NLRP6: variants seen among roughly 807,000 people sequenced by gnomAD.
NLRP6 encodes the protein NACHT, LRR and PYD domains-containing protein 6.
A neutral mutation model predicts 70.9 loss-of-function variants in NLRP6; 55 were observed. That is an observed-to-expected ratio of 0.78 (90% CI 0.62 to 0.97). The LOEUF is 0.97. Ranked by LOEUF, NLRP6 falls within the 50% of genes least tolerant of loss-of-function variation. The pLI is 0.00. For synonymous variants in NLRP6, 652 were observed against 581.9 expected, an observed-to-expected ratio of 1.12 and a Z score of -1.73; for missense variants, 1,241 against 1,238.3, an observed-to-expected ratio of 1.00 and a Z score of -0.03.
At position 278,687 on chromosome 11, in the gene NLRP6, T is replaced by C; in HGVS notation, c.29+89T>C. ...CTCACCCGCTGACTTCCTCAGGCTC[T>C]CCACCCTTGTCCACATCCTTCCCCC... On this transcript the variant is annotated intron_variant, in intron 1 of 7. Coordinates refer to ENST00000534750, the MANE Select transcript of NLRP6 (RefSeq NM_001276700.2). The surrounding 1 kb of genome is among the most constrained non-coding windows in gnomAD (Gnocchi z 4.7). 1.1e-6 allele frequency: 1 copy of C among 948,484 alleles called. No homozygotes were observed. Among genetic ancestry groups the C allele is most frequent in the Non-Finnish European group, 1.5e-6 (1 of 646,740 alleles). 58.8% of individuals were successfully genotyped at this position (948,484 alleles called of 1,614,324 possible).
rs1284585561 is a variant in NLRP6, at chr11:278,715, C to T, written c.29+117C>T. 2.0e-5 allele frequency: 14 copies of T among 716,856 alleles called. No individual in the cohort carries two copies. Among genetic ancestry groups the T allele is most frequent in the Non-Finnish European group, 3.1e-5 (14 of 456,502 alleles). The allele number at this position is 716,856 out of a possible 1,614,324, so 44.4% of individuals were successfully genotyped here. On this transcript the variant is annotated intron_variant, in intron 1 of 7. Transcript: ENST00000534750. This position sits in a 1 kb window ranked among gnomAD's most constrained non-coding sequence, Gnocchi z 4.7. ...ACCCTTGTCCACATCCTTCCCCCAC[C>T]CTCACTCCCAGGCTCAGGAGCCAAG...
intron 5 of NLRP6, among the ~76,000 whole-genome samples, chr11:283,848 A>G (rs1845513974): frequency 6.6e-6 from 1 of 151,994 alleles, no homozygotes; most frequent in Non-Finnish European, 1.5e-5. Context: ...TGGTAAAGTA[A>G]GATGTTCAGC....
rs117664979 is a variant in NLRP6, at chr11:284,626, G to A, written c.2521G>A (p.Gly841Ser). Reference sequence around the variant, plus strand: ...TGCAGTCCTGCAGCACCAGGGATGCGGCCTGCAGACCCTCAGGTGGAGGCA... The same window carrying A: ...TGCAGTCCTGCAGCACCAGGGATGCAGCCTGCAGACCCTCAGGTGGAGGCA... The part of the protein sequence containing the change: ...LCAVLQHQGC[G>S]LQTLSLASVE... The change falls in exon 7 of 8, where the codon GGC becomes AGC. Residue 841 changes from glycine to serine, a missense_variant. By Grantham distance (56) the Gly-to-Ser change is moderately conservative. Coordinates refer to ENST00000534750, the MANE Select transcript of NLRP6 (RefSeq NM_001276700.2). The A allele has an allele frequency of 1.8e-4, 287 of 1,607,316 alleles. 2 individuals are homozygous for A. Among genetic ancestry groups the A allele is most frequent in the Middle Eastern group, 6.7e-4 (4 of 5,956 alleles).
chr11:282,540 G>A (rs2134009489), intron 4 of NLRP6, among the ~76,000 whole-genome samples, 165 bp from the exon 5 acceptor site: 1 of 152,284 alleles, frequency 6.6e-6, no homozygotes, highest in East Asian at 1.9e-4. Context: ...ACAGATGAGT[G>A]GTTTTGCTCT....
Position 279,308 on chromosome 11 carries a change from C to T in NLRP6, c.30-19C>T. On this transcript the variant is annotated intron_variant, in intron 1 of 7. Coordinates refer to ENST00000534750, the MANE Select transcript of NLRP6 (RefSeq NM_001276700.2). Reference sequence around the variant, plus strand: ...ACCCGAGGGCCGCTCCCCGATGACCCGCGCCCGCCCGCCTCCAGCACGGGG... The same window carrying T: ...ACCCGAGGGCCGCTCCCCGATGACCTGCGCCCGCCCGCCTCCAGCACGGGG... 1 of 1,265,266 alleles carries T rather than the reference C, an allele frequency of 7.9e-7. No homozygotes were observed. The highest frequency in any genetic ancestry group is 9.9e-7 in the Non-Finnish European group (1 of 1,005,540). 78.4% of individuals were successfully genotyped at this position (1,265,266 alleles called of 1,614,324 possible).
At chr11:284,921 G>A (rs1048773393) in intron 7 of NLRP6, among the ~76,000 whole-genome samples, 1 of 152,250 alleles carries the variant, frequency 6.6e-6, no homozygotes, top group South Asian at 2.1e-4. Flanking sequence ...ATACCCTTTT[G>A]CCACCCCCAA....
chr11:279,656 C>A, intron 2 of NLRP6, 49 bp downstream of exon 2: 1 of 1,373,042 alleles, frequency 7.3e-7, no homozygotes, highest in Non-Finnish European at 9.4e-7. Context: ...GGCTGGGCTG[C>A]CCTCCTTCCC....
chr11:281,447 G>C lies in NLRP6; in HGVS notation c.1713G>C (p.Val571=). The stretch of plus-strand genomic sequence containing the variant: ...TCGGCTGCATGGTTTCAGAGCGTGT[G>C]AAGCAGGAGGCCCTGCGGTGGGTGC... ...RHFGCMVSER[V]KQEALRWVQG... is the part of the protein sequence containing the mutation. Residue 571 remains valine (V), a synonymous_variant, in exon 4 of 8, where the codon GTG becomes GTC. Coordinates refer to ENST00000534750, the MANE Select transcript of NLRP6 (RefSeq NM_001276700.2). 6.2e-7 allele frequency: 1 copy of C among 1,601,694 alleles called. No homozygotes were observed. The highest frequency in any genetic ancestry group is 8.5e-7 in the Non-Finnish European group (1 of 1,173,114).
chr11:282,737 C>T lies in NLRP6; in HGVS notation c.2138C>T (p.Ser713Phe), dbSNP rs1267235465. The T allele has an allele frequency of 6.2e-7, 1 of 1,614,056 alleles. No homozygotes were observed. The highest frequency in any genetic ancestry group is 1.3e-5 in the African/African-American group (1 of 74,942). Residue 713 changes from serine (S) to phenylalanine (F), a missense_variant, in exon 5 of 8, where the codon TCC (serine) becomes TTC (phenylalanine). Ser to Phe is a radical substitution (Grantham distance 155). Transcript: ENST00000534750. The part of the protein sequence containing the change: ...SQGTTKQLPA[S>F]LLHPLFQAMT... ...GGCACCACAAAACAACTGCCAGCCTCCCTTCTTCATCCACTCTTTCAGGCA... is the reference window on the plus strand; with the variant it reads ...GGCACCACAAAACAACTGCCAGCCTTCCTTCTTCATCCACTCTTTCAGGCA...
Position 281,637 on chromosome 11 carries a change from C to G in NLRP6, c.1903C>G (p.Arg635Gly). 6.2e-7 allele frequency: 1 copy of G among 1,613,006 alleles called. No individual in the cohort carries two copies. The highest frequency in any genetic ancestry group is 1.1e-5 in the South Asian group (1 of 90,988). ...LYETQEDAFV[R>G]QALCRFPELA... ...CGAGACGCAGGAGGACGCGTTTGTG[C>G]GCCAAGCCCTGTGCCGGTTCCCGGA... The change falls in exon 4 of 8, where the codon CGC becomes GGC. Residue 635 changes from arginine (R) to glycine (G), a missense_variant. By Grantham distance (125) the Arg-to-Gly change is moderately radical. Transcript: ENST00000534750.
intron 4 of NLRP6, 110 bp downstream of exon 4, chr11:281,949 T>C (rs969231324): frequency 2.0e-6 from 2 of 986,438 alleles, no homozygotes; most frequent in Non-Finnish European, 2.9e-6. Context: ...GACCAGACCC[T>C]GGCTCCCCAG....
rs1845420586 is a variant in NLRP6 at position 278,508 on chromosome 11, G to A, written c.-62G>A. ...CTTGGCTCCAGCTCAGCCTGTGAAG[G>A]AATCACCTCTCTGATCCCCACCTCT... is the stretch of plus-strand genomic sequence containing the variant. On this transcript the variant is annotated 5_prime_UTR_variant, in exon 1 of 8. Transcript: ENST00000534750. This position sits in a 1 kb window ranked among gnomAD's most constrained non-coding sequence, Gnocchi z 4.7. 21 of 1,393,820 alleles carry A rather than the reference G, an allele frequency of 1.5e-5. No individual in the cohort carries two copies. Among genetic ancestry groups the A allele is most frequent in the Non-Finnish European group, 1.9e-5 (20 of 1,041,954 alleles). The allele number at this position is 1,393,820 out of a possible 1,614,324, so 86.3% of individuals were successfully genotyped here.
At position 278,666 on chromosome 11, in the gene NLRP6, C is replaced by T; in HGVS notation, c.29+68C>T. ...TCAGCCCTCTGGGGCCTCCACCTCACCCGCTGACTTCCTCAGGCTCTCCAC... is the reference window on the plus strand; with the variant it reads ...TCAGCCCTCTGGGGCCTCCACCTCATCCGCTGACTTCCTCAGGCTCTCCAC... On this transcript the variant is annotated intron_variant, in intron 1 of 7. Transcript: ENST00000534750. This position sits in a 1 kb window ranked among gnomAD's most constrained non-coding sequence, Gnocchi z 4.7. The T allele has an allele frequency of 7.8e-7, 1 of 1,279,056 alleles. No homozygotes were observed. The highest frequency in any genetic ancestry group is 1.1e-6 in the Non-Finnish European group (1 of 922,298). 79.2% of individuals were successfully genotyped at this position (1,279,056 alleles called of 1,614,324 possible).
In NLRP6 at chr11:279,620, CG is replaced by C; in HGVS notation, c.310+16del. On this transcript the variant is annotated intron_variant, in intron 2 of 7. Transcript: ENST00000534750. ...CGGCGGCTGCAGCGTGAGTTCTGCG[CG>C]GGAGGTCCCTCCTGTCTGGGCAGAG... The C allele has an allele frequency of 7.2e-7, 1 of 1,392,770 alleles. No individual in the cohort carries two copies. Among genetic ancestry groups the C allele is most frequent in the Non-Finnish European group, 9.3e-7 (1 of 1,078,174 alleles). 86.3% of individuals were successfully genotyped at this position (1,392,770 alleles called of 1,614,324 possible).
rs761090099 is a variant in NLRP6, at chr11:280,365, G to A, written c.631G>A (p.Ala211Thr). 37 of 1,540,844 alleles carry A rather than the reference G, an allele frequency of 2.4e-5. 1 individual carries two copies. In the South Asian group the frequency reaches 4.1e-4, roughly 17 times the overall value. Residue 211 changes from alanine (A) to threonine (T), a missense_variant, in exon 4 of 8, where the codon GCG becomes ACG. Coordinates refer to ENST00000534750, the MANE Select transcript of NLRP6 (RefSeq NM_001276700.2). ...QGPAGIGKTM[A>T]AKKILYDWAA... is the part of the protein sequence containing the mutation. ...CCCGGCGGGCATCGGCAAGACCATGGCGGCCAAAAAGATCCTGTACGACTG... is the reference window on the plus strand; with the variant it reads ...CCCGGCGGGCATCGGCAAGACCATGACGGCCAAAAAGATCCTGTACGACTG...
chr11:284,645 G>A lies in NLRP6; in HGVS notation c.2537+3G>A. ...GGATGCGGCCTGCAGACCCTCAGGT[G>A]GAGGCAGGGGTGGGAAGGGTGCTGG... On this transcript the variant is annotated splice_donor_region_variant and intron_variant, in intron 7 of 7. Coordinates refer to ENST00000534750, the MANE Select transcript of NLRP6 (RefSeq NM_001276700.2). 1.3e-6 allele frequency: 2 copies of A among 1,599,406 alleles called. No homozygotes were observed. Among genetic ancestry groups the A allele is most frequent in the Non-Finnish European group, 1.7e-6 (2 of 1,176,238 alleles).
chr11:279,369 T>C lies in NLRP6; in HGVS notation c.72T>C (p.Ala24=). 2 of 1,311,006 alleles carry C rather than the reference T, an allele frequency of 1.5e-6. No individual in the cohort carries two copies. Among genetic ancestry groups the C allele is most frequent in the Non-Finnish European group, 1.9e-6 (2 of 1,030,182 alleles). 81.2% of individuals were successfully genotyped at this position (1,311,006 alleles called of 1,614,324 possible). Residue 24 remains alanine, a synonymous_variant, in exon 2 of 8, where the codon GCT becomes GCC. Coordinates refer to ENST00000534750, the MANE Select transcript of NLRP6 (RefSeq NM_001276700.2). ...RLAVARELLL[A]ALEELSQEQL... is the part of the protein sequence containing the mutation. ...CGGTGGCCCGCGAGCTGCTCCTGGC[T>C]GCGCTGGAGGAACTGAGCCAAGAGC...
At chr11:283,877 G>GA (rs139029906) in intron 5 of NLRP6, among the ~76,000 whole-genome samples, 3,764 of 142,586 alleles carry the variant, frequency 0.026, 98 homozygotes, top group African/African-American at 0.069. Flanking sequence ...ATTTATAATG[G>GA]AAAAAAAAAA....
In NLRP6 at chr11:281,736, G is replaced by C. The variant is rs768367590; in HGVS notation, c.2002G>C (p.Ala668Pro). ...GAGCTACTGCGTGAGGTGCTGCCCT[G>C]CTGGACAGGCACTGCGGCTGATCAG... is the stretch of plus-strand genomic sequence containing the variant. ...VLSYCVRCCP[A>P]GQALRLISCR... Residue 668 changes from alanine (A) to proline (P), a missense_variant, in exon 4 of 8, where the codon GCT becomes CCT. By Grantham distance (27) the Ala-to-Pro change is conservative. Coordinates refer to ENST00000534750, the MANE Select transcript of NLRP6 (RefSeq NM_001276700.2). The C allele has an allele frequency of 2.5e-6, 4 of 1,612,904 alleles. No individual in the cohort carries two copies. Among genetic ancestry groups the C allele is most frequent in the South Asian group, 1.1e-5 (1 of 91,090 alleles).
Sources: gnomAD v4.1 joint callset for allele counts (sites outside exome capture counted in the v4.1 genomes callset) on GRCh38, gnomAD v4.1.1 for gene constraint, Gnocchi (gnomAD v3.1) non-coding constraint, MANE v1.5 for transcripts, NCBI Gene and HGNC (gene_info 2026-07-23, HGNC 2026-07-21) for gene names.